Variants in SUGCT observed in about 807,000 individuals in gnomAD.
The protein encoded by SUGCT is succinyl-CoA:glutarate CoA-transferase.
In SUGCT, 41 loss-of-function variants were observed where a neutral mutation model predicts 55.0. That is an observed-to-expected ratio of 0.74 (90% CI 0.58 to 0.97). The LOEUF is 0.97. Among genes scored for constraint, SUGCT ranks in the 50% least tolerant of loss-of-function variants. The probability of loss-of-function intolerance (pLI) is 0.00; values close to 1 mark genes in which losing one functional copy is unlikely to be tolerated. For synonymous variants in SUGCT, 187 were observed against 200.4 expected (o/e 0.93, Z 0.56); for missense variants, 568 against 547.8 (o/e 1.04, Z -0.37).
intron 12 of SUGCT, among the ~76,000 whole-genome samples, chr7:40,686,684 C>G (rs1049922707): frequency 2.0e-5 from 3 of 152,166 alleles, no homozygotes; most frequent in Admixed American, 2.0e-4. Flanking sequence ...TAGAGGGAAA[C>G]TCTACACATC....
At chr7:40,994,795 G>A in the SUGCT span, among the ~76,000 whole-genome samples, 1 of 152,200 alleles carries the variant, frequency 6.6e-6, no homozygotes, top group Non-Finnish European at 1.5e-5. Context: ...TTGGTGACAA[G>A]TGAGTGCTTC....
At chr7:40,897,316 C>T in the SUGCT span, among the ~76,000 whole-genome samples, 1 of 152,046 alleles carries the variant, frequency 6.6e-6, no homozygotes, top group Admixed American at 6.5e-5. Flanking sequence ...GATATGACCC[C>T]AAAAGCACAG....
In SUGCT at chr7:40,180,935, C is replaced by T. The variant is rs781241078; in HGVS notation, c.101-12C>T. 10 of 1,591,844 alleles carry T rather than the reference C, an allele frequency of 6.3e-6. No individual in the cohort carries two copies. The East Asian group carries it at 1.8e-4, about 28-fold the overall frequency. On this transcript the variant is annotated splice_polypyrimidine_tract_variant and intron_variant, in intron 1 of 13. Coordinates refer to ENST00000335693, the MANE Select transcript of SUGCT (RefSeq NM_001193313.2). ...AATGAATTATCTTGAAATGTTTTCT[C>T]TGTTTTGCCAGATATGAACAATATA...
At chr7:40,569,193 G>T (rs901235269) in intron 12 of SUGCT, among the ~76,000 whole-genome samples, 1 of 152,164 alleles carries the variant, frequency 6.6e-6, no homozygotes, top group Admixed American at 6.5e-5. Context: ...AGGGGTCAGG[G>T]ATTTTAGATC....
chr7:40,230,271 G>A (rs1233056294), intron 6 of SUGCT, among the ~76,000 whole-genome samples: 2 of 152,158 alleles, frequency 1.3e-5, no homozygotes, highest in African/African-American at 2.4e-5. Context: ...AGGAATTAAA[G>A]AGTTTGCATG....
chr7:40,973,266 T>C, the SUGCT span, among the ~76,000 whole-genome samples: 1 of 152,332 alleles, frequency 6.6e-6, no homozygotes, highest in Admixed American at 6.5e-5. Flanking sequence ...ATAGGTGAAT[T>C]TTAATGACAT....
the SUGCT span, among the ~76,000 whole-genome samples, chr7:40,917,007 T>C: frequency 6.6e-6 from 1 of 152,280 alleles, no homozygotes; most frequent in African/African-American, 2.4e-5. Context: ...GAACTGAATA[T>C]GTTAAGTAAT....
chr7:40,625,304 T>A (rs1302924203), intron 12 of SUGCT, among the ~76,000 whole-genome samples: 1 of 152,090 alleles, frequency 6.6e-6, no homozygotes, highest in East Asian at 1.9e-4. Context: ...CACAGAGAAC[T>A]GTTCGTGAAG....
chr7:40,520,195 C>G (rs1190795853), intron 12 of SUGCT, among the ~76,000 whole-genome samples: 1 of 152,000 alleles, frequency 6.6e-6, no homozygotes, highest in Non-Finnish European at 1.5e-5. Context: ...GGAATAAAAA[C>G]AAAACACTAA....
At chr7:40,335,185 A>C (rs916718111) in intron 9 of SUGCT, among the ~76,000 whole-genome samples, 1 of 152,144 alleles carries the variant, frequency 6.6e-6, no homozygotes, top group African/African-American at 2.4e-5. Context: ...GTCAGGTAGC[A>C]TGATGCCTCT....
chr7:40,675,360 A>G (rs774054054), intron 12 of SUGCT, among the ~76,000 whole-genome samples: 1 of 152,152 alleles, frequency 6.6e-6, no homozygotes, highest in African/African-American at 2.4e-5. Context: ...CGCCTGACCA[A>G]TTTCTCAAAT....
At chr7:40,173,410 A>G (rs541376339) in intron 1 of SUGCT, among the ~76,000 whole-genome samples, 3 of 152,260 alleles carry the variant, frequency 2.0e-5, no homozygotes, top group Non-Finnish European at 2.9e-5. Flanking sequence ...GCTCAGCTTG[A>G]GCCATAACAA....
chr7:40,920,612 G>C, the SUGCT span, among the ~76,000 whole-genome samples: 1 of 151,908 alleles, frequency 6.6e-6, no homozygotes, highest in Non-Finnish European at 1.5e-5. Context: ...TTTGTCAGTT[G>C]GTTGGTTTTA....
intron 12 of SUGCT, among the ~76,000 whole-genome samples, chr7:40,643,171 C>T (rs1165771513): frequency 6.6e-6 from 1 of 152,100 alleles, no homozygotes; most frequent in Non-Finnish European, 1.5e-5. Context: ...GACCTATGGG[C>T]ATCAGAATAT....
At chr7:40,846,396 G>C (rs1211204533) in intron 13 of SUGCT, among the ~76,000 whole-genome samples, 1 of 151,508 alleles carries the variant, frequency 6.6e-6, no homozygotes, top group East Asian at 1.9e-4. Context: ...AAACAGTCAG[G>C]AGAGAGCTTC....
At chr7:40,658,272 G>A (rs765564384) in intron 12 of SUGCT, among the ~76,000 whole-genome samples, 10 of 152,126 alleles carry the variant, frequency 6.6e-5, no homozygotes, top group Non-Finnish European at 1.5e-4. Flanking sequence ...TGAGATAGAG[G>A]CATGAAATGG....
chr7:40,181,166 T>C lies in SUGCT; in HGVS notation c.152+168T>C, dbSNP rs11980841. Among the ~76,000 whole-genome samples, 182 of 152,236 alleles carry C rather than the reference T, an allele frequency of 1.2e-3. 2 individuals are homozygous for C. Among genetic ancestry groups the C allele is most frequent in the African/African-American group, 4.2e-3 (176 of 41,544 alleles). On this transcript the variant is annotated intron_variant, in intron 2 of 13. Transcript: ENST00000335693. ...TATCATCATTCTATGAGACAATTAG[T>C]GTAGTATTTATGCCTTTTCCCAATG...
rs374203294 is a variant in SUGCT, at chr7:40,593,284, C to T, written c.1089+96898C>T. ...TTCTACTGGTTTAACAATTTCTCTC[C>T]GTTGCCTCCCCAAACCCACACCATC... On this transcript the variant is annotated intron_variant, in intron 12 of 13. Coordinates refer to ENST00000335693, the MANE Select transcript of SUGCT (RefSeq NM_001193313.2). 5.9e-5 allele frequency among the ~76,000 whole-genome samples: 9 copies of T among 152,252 alleles called. No individual in the cohort carries two copies. The East Asian group carries it at 1.4e-3, about 23-fold the overall frequency.
In SUGCT at chr7:40,424,368, A is replaced by T. The variant is rs923725295; in HGVS notation, c.817-24919A>T. Among the ~76,000 whole-genome samples the T allele has an allele frequency of 4.6e-5, 7 of 152,100 alleles. No homozygotes were observed. The East Asian group carries it at 1.4e-3, about 29-fold the overall frequency. ...TAGGTGTGTGGAGAGCAGTAGAAGA[A>T]TTTCATGATTTATTTGAAATTCTAT... On this transcript the variant is annotated intron_variant, in intron 9 of 13. Transcript: ENST00000335693.
Sources: allele counts gnomAD v4.1 joint callset (sites outside exome capture counted in the v4.1 genomes callset), GRCh38; gene constraint gnomAD v4.1.1; transcripts MANE v1.5; gene names NCBI Gene and HGNC (gene_info 2026-07-23, HGNC 2026-07-21).